FAM186A: variants seen among roughly 807,000 people sequenced by gnomAD.
The protein encoded by FAM186A is protein FAM186A.
Under a neutral mutation model 216.8 loss-of-function variants are expected in FAM186A, and 163 were observed. The ratio of observed to expected loss-of-function variants is 0.75; its 90% CI spans 0.66 to 0.86. The LOEUF (loss-of-function observed/expected upper bound fraction) is 0.86. Among genes scored for constraint, FAM186A ranks in the 40% least tolerant of loss-of-function variants. The pLI is 0.00. For synonymous variants in FAM186A, 805 were observed against 1,025.3 expected, an observed-to-expected ratio of 0.79 and a Z score of 4.10; for missense variants, 2,184 against 2,746.2, an observed-to-expected ratio of 0.80 and a Z score of 4.58.
rs1423610390 is a variant in FAM186A, at chr12:50,351,293, C to G, written c.5539G>C (p.Gly1847Arg). ...PFIAGVPPTS[G>R]QIPSLWAPLS... ...GGAGCCCAGAGACTTGGAATCTGTC[C>G]AGAAGTGGGTGGAACTCCAGCTATA... The change falls in exon 4 of 8, where the codon GGA (glycine) becomes CGA (arginine). Residue 1847 changes from glycine (G) to arginine (R), a missense_variant. This residue lies in a region of FAM186A where 721 missense variants were observed against 816.4 expected (regional missense o/e 0.88). Coordinates refer to ENST00000327337, the MANE Select transcript of FAM186A (RefSeq NM_001145475.3). The G allele has an allele frequency of 6.5e-7, 1 of 1,539,590 alleles. No individual in the cohort carries two copies. The highest frequency in any genetic ancestry group is 8.8e-7 in the Non-Finnish European group (1 of 1,142,410).
Position 50,333,923 on chromosome 12 carries a change from G to A in FAM186A, c.6684C>T (p.His2228=), listed in dbSNP as rs6580741. 23 of 1,550,328 alleles carry A rather than the reference G, an allele frequency of 1.5e-5. No homozygotes were observed. The highest frequency in any genetic ancestry group is 1.7e-5 in the Non-Finnish European group (19 of 1,146,686). Residue 2228 remains histidine (H), a synonymous_variant, in exon 5 of 8, where the codon CAC becomes CAT. Transcript: ENST00000327337. The part of the protein sequence containing the change: ...KRNQCLKKMI[H]VFNQLKKIHE... Reference sequence around the variant, plus strand: ...GAAAGCAGGTTACCTGGTTGAATACGTGTATCATTTTCTTCAGGCACTGAT... The same window carrying A: ...GAAAGCAGGTTACCTGGTTGAATACATGTATCATTTTCTTCAGGCACTGAT...
intron 5 of FAM186A, among the ~76,000 whole-genome samples, chr12:50,332,503 T>C (rs1221776374): frequency 6.6e-6 from 1 of 152,168 alleles, no homozygotes; most frequent in Non-Finnish European, 1.5e-5. Flanking sequence ...TTTTGCTTTT[T>C]TTGTCTCCTT....
At chr12:50,394,662 A>AGCGATCC (rs1341096641) in intron 1 of FAM186A, among the ~76,000 whole-genome samples, 1 of 148,870 alleles carries the variant, frequency 6.7e-6, no homozygotes, top group African/African-American at 2.5e-5. Context: ...CCAGGACTCA[A>AGCGATCC]GCGATCCTCC....
chr12:50,350,436 T>A lies in FAM186A; in HGVS notation c.6396A>T (p.Leu2132=). The A allele has an allele frequency of 1.9e-6, 3 of 1,551,628 alleles. No homozygotes were observed. Among genetic ancestry groups the A allele is most frequent in the Non-Finnish European group, 2.6e-6 (3 of 1,146,982 alleles). ...AIKTCGLPSQ[L]HTMARTLIIE... Reference sequence around the variant, plus strand: ...TTATGAGAGTCCTAGCCATTGTGTGTAGCTGTGAAGGGAGTCCACAAGTTT... The same window carrying A: ...TTATGAGAGTCCTAGCCATTGTGTGAAGCTGTGAAGGGAGTCCACAAGTTT... Residue 2132 remains leucine, a synonymous_variant, in exon 4 of 8, where the codon CTA becomes CTT. Transcript: ENST00000327337.
intron 5 of FAM186A, among the ~76,000 whole-genome samples, chr12:50,333,639 C>T (rs1565878505): frequency 1.3e-5 from 2 of 152,072 alleles, no homozygotes; most frequent in Non-Finnish European, 2.9e-5. Context: ...CCATAGCCAC[C>T]ACAATCTAGG....
intron 1 of FAM186A, among the ~76,000 whole-genome samples, chr12:50,363,860 C>T (rs994379155): frequency 2.6e-5 from 4 of 151,910 alleles, no homozygotes; most frequent in Non-Finnish European, 5.9e-5. Flanking sequence ...CAGACTATGC[C>T]TCAAACATAC....
chr12:50,354,836 G>A lies in FAM186A; in HGVS notation c.1996C>T (p.Gln666Ter). 1 of 1,544,476 alleles carries A rather than the reference G, an allele frequency of 6.5e-7. No individual in the cohort carries two copies. The highest frequency in any genetic ancestry group is 8.7e-7 in the Non-Finnish European group (1 of 1,145,554). Residue 666 changes from glutamine to a stop codon, truncating the protein, a stop_gained, in exon 4 of 8, where the codon CAG (glutamine) becomes TAG (stop). Coordinates refer to ENST00000327337, the MANE Select transcript of FAM186A (RefSeq NM_001145475.3). LOFTEE classifies it high-confidence loss of function. The part of the protein sequence containing the change: ...VLESPDGKSE[Q>*]SNLEEFQEAI... ...TCCTGAAATTCTTCGAGGTTACTCT[G>A]TTCACTTTTGCCATCTGGACTTTCT...
intron 3 of FAM186A, 102 bp from the exon 4 acceptor site, chr12:50,356,350 T>C: frequency 2.4e-6 from 2 of 827,108 alleles, no homozygotes; most frequent in East Asian, 2.8e-5. Context: ...TAACTATAAC[T>C]AATTAAATAT....
At chr12:50,392,811 C>T (rs1197120026) in intron 1 of FAM186A, among the ~76,000 whole-genome samples, 2 of 140,982 alleles carry the variant, frequency 1.4e-5, no homozygotes, top group Non-Finnish European at 3.0e-5. Flanking sequence ...CGGGGTTTCA[C>T]GGTGTTAGCC....
intron 1 of FAM186A, among the ~76,000 whole-genome samples, chr12:50,379,999 A>G (rs1260797016): frequency 1.3e-5 from 2 of 152,134 alleles, no homozygotes; most frequent in African/African-American, 4.8e-5. Flanking sequence ...GGTAGCAAAG[A>G]TAAGAAAGGA....
At chr12:50,371,306 A>G (rs983376867) in intron 1 of FAM186A, among the ~76,000 whole-genome samples, 1 of 151,762 alleles carries the variant, frequency 6.6e-6, no homozygotes, top group Non-Finnish European at 1.5e-5. Context: ...TTTAGTAGAG[A>G]CGGGGTTTCA....
intron 1 of FAM186A, among the ~76,000 whole-genome samples, chr12:50,376,253 T>C (rs1294643283): frequency 6.6e-6 from 1 of 152,202 alleles, no homozygotes; most frequent in Non-Finnish European, 1.5e-5. Flanking sequence ...TACAGCTCTT[T>C]TAGCTCCTGC....
At chr12:50,365,921 TA>T in intron 1 of FAM186A, 1 of 763,242 alleles carries the variant, frequency 1.3e-6, no homozygotes. Context: ...GGAAAAAGGC[TA>T]ATGGCACAAC....
At chr12:50,376,280 C>T (rs1943197468) in intron 1 of FAM186A, among the ~76,000 whole-genome samples, 1 of 152,160 alleles carries the variant, frequency 6.6e-6, no homozygotes, top group African/African-American at 2.4e-5. Flanking sequence ...GTCCCAAGTT[C>T]CTGTCTCATG....
intron 4 of FAM186A, among the ~76,000 whole-genome samples, chr12:50,339,779 CAG>C (rs1555214926): frequency 8.0e-5 from 11 of 137,974 alleles, no homozygotes; most frequent in African/African-American, 2.6e-4. Context: ...CACACACACA[CAG>C]AGCTTCTTCC....
chr12:50,337,994 A>G (rs774334555), intron 4 of FAM186A, among the ~76,000 whole-genome samples: 49 of 152,152 alleles, frequency 3.2e-4, no homozygotes, highest in Non-Finnish European at 6.3e-4. Flanking sequence ...ATCTAGAATC[A>G]TGGCTATTCA....
rs2138753963 is a variant in FAM186A, at chr12:50,327,373, A to G, written c.*10T>C. The G allele has an allele frequency of 6.5e-7, 1 of 1,544,414 alleles. No individual in the cohort carries two copies. Among genetic ancestry groups the G allele is most frequent in the East Asian group, 2.4e-5 (1 of 40,878 alleles). ...ATGTACTTTCAACATGCTTGTATTT[A>G]ATTTTACAGTCATTTGGGAATCTTC... On this transcript the variant is annotated 3_prime_UTR_variant, in exon 8 of 8. Coordinates refer to ENST00000327337, the MANE Select transcript of FAM186A (RefSeq NM_001145475.3).
chr12:50,361,571 T>C (rs1943035868), intron 2 of FAM186A, among the ~76,000 whole-genome samples: 1 of 1,014 alleles, frequency 9.9e-4, no homozygotes, highest in East Asian at 0.071. Context: ...CAGTTGTCTT[T>C]TTTTTTTTTT....
chr12:50,378,558 G>GTATATATATATA (rs144897665), intron 1 of FAM186A, among the ~76,000 whole-genome samples: 27 of 14,370 alleles, frequency 1.9e-3, no homozygotes, highest in African/African-American at 2.2e-3. Context: ...TATGTAAATT[G>GTATATATATATA]TATATATATA....
Sources: allele counts gnomAD v4.1 joint callset (sites outside exome capture counted in the v4.1 genomes callset), GRCh38; gene constraint gnomAD v4.1.1; regional missense constraint gnomAD v4.1.1; transcripts MANE v1.5; gene names NCBI Gene and HGNC (gene_info 2026-07-23, HGNC 2026-07-21).